SHISA9: variants seen among roughly 807,000 people sequenced by gnomAD.
SHISA9 encodes the protein shisa family member 9.
In SHISA9, 13 loss-of-function variants were observed where a neutral mutation model predicts 38.0. The observed-to-expected ratio is 0.34, with a 90% CI of 0.22 to 0.54. SHISA9 has a LOEUF of 0.54. SHISA9 is among the 20% of genes least tolerant of loss of function. The pLI is 0.91. For missense variants in SHISA9, 538 were observed against 575.8 expected (o/e 0.93, Z 0.67); for synonymous variants, 275 against 242.0 (o/e 1.14, Z -1.27).
At chr16:13,496,387 C>G in the SHISA9 span, among the ~76,000 whole-genome samples, 2 of 151,814 alleles carry the variant, frequency 1.3e-5, no homozygotes, top group African/African-American at 4.8e-5. Context: ...ATAACTCAAC[C>G]GTCATAACTA....
At chr16:13,396,953 CT>C in the SHISA9 span, among the ~76,000 whole-genome samples, 4 of 152,246 alleles carry the variant, frequency 2.6e-5, no homozygotes, top group Non-Finnish European at 4.4e-5. Flanking sequence ...TCTTCCACCC[CT>C]GCCACCCCTG....
the SHISA9 span, among the ~76,000 whole-genome samples, chr16:13,525,628 T>G: frequency 6.6e-6 from 1 of 152,252 alleles, no homozygotes; most frequent in Admixed American, 6.5e-5. Flanking sequence ...TTCTTTAAAC[T>G]AATTCACTAA....
chr16:13,134,273 A>G (rs1202047200), intron 2 of SHISA9, among the ~76,000 whole-genome samples: 1 of 152,234 alleles, frequency 6.6e-6, no homozygotes, highest in East Asian at 1.9e-4. Flanking sequence ...ATTTAAAATT[A>G]AATAAAATAA....
chr16:12,987,526 T>C (rs959586923), intron 2 of SHISA9, among the ~76,000 whole-genome samples: 1 of 152,230 alleles, frequency 6.6e-6, no homozygotes, highest in Middle Eastern at 3.4e-3. Flanking sequence ...TTCTCATTCA[T>C]GAGTGGAAGC....
chr16:13,369,599 T>G, the SHISA9 span, among the ~76,000 whole-genome samples: 8 of 151,474 alleles, frequency 5.3e-5, no homozygotes, highest in East Asian at 1.6e-3. Context: ...CAGCCAAGAC[T>G]AAACTGCTGC....
intron 2 of SHISA9, among the ~76,000 whole-genome samples, chr16:12,980,558 A>G (rs930152494): frequency 5.3e-5 from 8 of 150,382 alleles, no homozygotes; most frequent in African/African-American, 1.5e-4. Flanking sequence ...TTTCACTACA[A>G]TGTGTCTAAA....
At chr16:13,404,579 G>A in the SHISA9 span, among the ~76,000 whole-genome samples, 2 of 152,148 alleles carry the variant, frequency 1.3e-5, no homozygotes, top group East Asian at 3.8e-4. Context: ...ACAGAGAATG[G>A]GAGGGAGGAC....
At chr16:13,148,457 C>A (rs2050467457) in intron 2 of SHISA9, among the ~76,000 whole-genome samples, 1 of 152,018 alleles carries the variant, frequency 6.6e-6, no homozygotes, top group Non-Finnish European at 1.5e-5. Context: ...AACCTTTTCA[C>A]CCACAAAACA....
chr16:13,513,349 C>T, the SHISA9 span, among the ~76,000 whole-genome samples: 20 of 152,184 alleles, frequency 1.3e-4, no homozygotes, highest in African/African-American at 4.3e-4. Flanking sequence ...TAGATGCTGG[C>T]GAGGCTGTGG....
At chr16:13,309,550 T>C in the SHISA9 span, among the ~76,000 whole-genome samples, 1 of 147,788 alleles carries the variant, frequency 6.8e-6, no homozygotes, top group Non-Finnish European at 1.5e-5. Flanking sequence ...GGCTGAGGCA[T>C]GACGATCACT....
chr16:13,416,885 G>A, the SHISA9 span, among the ~76,000 whole-genome samples: 3 of 151,402 alleles, frequency 2.0e-5, no homozygotes, highest in Non-Finnish European at 4.4e-5. Flanking sequence ...AAGGAAGAAG[G>A]AAGAGCAAGA....
intron 4 of SHISA9, among the ~76,000 whole-genome samples, chr16:13,226,585 A>G (rs2051281759): frequency 6.6e-6 from 1 of 152,228 alleles, no homozygotes; most frequent in African/African-American, 2.4e-5. Context: ...ACTGCTGCAT[A>G]ACAAATGACT....
intron 2 of SHISA9, among the ~76,000 whole-genome samples, chr16:12,920,498 G>A (rs1179208806): frequency 1.3e-5 from 2 of 152,146 alleles, no homozygotes; most frequent in Non-Finnish European, 2.9e-5. Context: ...CTTAAAGAGT[G>A]TCATTGGATT....
the SHISA9 span, among the ~76,000 whole-genome samples, chr16:13,284,565 C>T: frequency 6.6e-6 from 1 of 152,010 alleles, no homozygotes; most frequent in Admixed American, 6.6e-5. Context: ...TTCTTTAGCT[C>T]AGAAAAATTT....
chr16:13,329,009 A>G, the SHISA9 span, among the ~76,000 whole-genome samples: 1 of 152,124 alleles, frequency 6.6e-6, no homozygotes. Flanking sequence ...GTGCAAGTAG[A>G]AAATGGCTGC....
chr16:13,401,888 G>A, the SHISA9 span, among the ~76,000 whole-genome samples: 1 of 152,106 alleles, frequency 6.6e-6, no homozygotes, highest in Non-Finnish European at 1.5e-5. Flanking sequence ...AGAAGCAAAG[G>A]TGGCAGGCAA....
chr16:13,319,406 C>T, the SHISA9 span, among the ~76,000 whole-genome samples: 3 of 152,332 alleles, frequency 2.0e-5, no homozygotes, highest in Non-Finnish European at 1.5e-5. Flanking sequence ...GTTGGAAGAA[C>T]TGTCAAACAA....
intron 2 of SHISA9, among the ~76,000 whole-genome samples, chr16:12,928,163 TTTC>T (rs2071416737): frequency 9.6e-6 from 1 of 103,668 alleles, no homozygotes; most frequent in Non-Finnish European, 1.9e-5. Flanking sequence ...GTCCTTACTT[TTTC>T]TTATCTTATA....
chr16:13,086,459 A>T (rs2073712190), intron 2 of SHISA9, among the ~76,000 whole-genome samples: 1 of 152,130 alleles, frequency 6.6e-6, no homozygotes, highest in Non-Finnish European at 1.5e-5. Context: ...AGAGGTAGTA[A>T]ATTGAAAGAC....
Sources: allele counts gnomAD v4.1 joint callset (sites outside exome capture counted in the v4.1 genomes callset), GRCh38; gene constraint gnomAD v4.1.1; transcripts MANE v1.5; gene names NCBI Gene and HGNC (gene_info 2026-07-23, HGNC 2026-07-21).